The following NOTCH2NLB variants were observed in gnomAD, a reference collection of about 807,000 sequenced individuals.
The protein encoded by NOTCH2NLB is notch 2 N-terminal like B.
A neutral mutation model predicts 14.8 loss-of-function variants in NOTCH2NLB; 1 was observed. That is an observed-to-expected ratio of 0.07 (90% confidence interval 0.02 to 0.32). NOTCH2NLB has a LOEUF of 0.32. Ranked by LOEUF, NOTCH2NLB falls within the 10% of genes least tolerant of loss-of-function variation. The pLI is 1.00. For missense variants in NOTCH2NLB, 11 were observed against 155.0 expected (o/e 0.07, Z 4.93); for synonymous variants, 6 against 57.5 (o/e 0.10, Z 4.05).
At chr1:148,658,550 C>CTTTTTTTTTTTTTTTTTTTTTT (rs1194273075) in intron 1 of NOTCH2NLB, among the ~76,000 whole-genome samples, 1 of 38,588 alleles carries the variant, frequency 2.6e-5, no homozygotes, top group Non-Finnish European at 4.8e-5. Flanking sequence ...CCCAATACCA[C>CTTTTTTTTTTTTTTTTTTTTTT]TTTTTTTTTT....
chr1:148,670,545 T>TATAC (rs1664751186), intron 1 of NOTCH2NLB, among the ~76,000 whole-genome samples: 9 of 102,438 alleles, frequency 8.8e-5, no homozygotes, highest in African/African-American at 3.5e-4. Context: ...AAAAAATATA[T>TATAC]ATATATACAT....
the NOTCH2NLB span, among the ~76,000 whole-genome samples, chr1:148,712,536 G>A: frequency 6.6e-6 from 1 of 152,302 alleles, no homozygotes; most frequent in Non-Finnish European, 1.5e-5. Context: ...TCCTATACTG[G>A]ATATGTCAAC....
At chr1:148,691,855 G>C in the NOTCH2NLB span, among the ~76,000 whole-genome samples, 2,323 of 83,802 alleles carry the variant, frequency 0.028, 78 homozygotes, top group Non-Finnish European at 0.029. Flanking sequence ...CACCCCCCCC[G>C]CTCTTGCTCC....
chr1:148,610,327 A>AAGAGAGAAAGAGAG (rs1663649305), intron 3 of NOTCH2NLB, among the ~76,000 whole-genome samples: 2 of 48,790 alleles, frequency 4.1e-5, no homozygotes, highest in Non-Finnish European at 8.6e-5. Context: ...AAGAGAGAGA[A>AAGAGAGAAAGAGAG]AGAAAGAAAG....
chr1:148,643,507 T>TC (rs1159662597), intron 1 of NOTCH2NLB, among the ~76,000 whole-genome samples: 5 of 54,914 alleles, frequency 9.1e-5, no homozygotes, highest in African/African-American at 6.8e-4. Flanking sequence ...AGAGAGAGAC[T>TC]CCATCTCAAA....
chr1:148,637,864 T>A lies in NOTCH2NLB; in HGVS notation c.77+2152A>T, dbSNP rs1490977228. 2.0e-5 allele frequency among the ~76,000 whole-genome samples: 3 copies of A among 147,960 alleles called. 1 individual carries two copies. The highest frequency in any genetic ancestry group is 7.6e-5 in the African/African-American group (3 of 39,280). On this transcript the variant is annotated intron_variant, in intron 2 of 4. Coordinates refer to ENST00000593495, the Ensembl canonical transcript of NOTCH2NLB. ...CGTGTTTGGTTTTCTGTTCCTGTGT[T>A]AGTTTGCTGAGAATGATGGCTTCCA...
At chr1:148,658,420 C>CA (rs1210874785) in intron 1 of NOTCH2NLB, among the ~76,000 whole-genome samples, 1 of 63,316 alleles carries the variant, frequency 1.6e-5, no homozygotes, top group African/African-American at 7.8e-5. Flanking sequence ...CTTTTTCCCC[C>CA]AAAGTGCTGT....
chr1:148,651,178 T>C (rs1351653097), intron 1 of NOTCH2NLB, among the ~76,000 whole-genome samples: 7 of 130,228 alleles, frequency 5.4e-5, no homozygotes, highest in Admixed American at 2.3e-4. Context: ...TATATATATA[T>C]ATATATATAT....
chr1:148,681,072 G>GT (rs1202443580), upstream of NOTCH2NLB, among the ~76,000 whole-genome samples: 48 of 139,966 alleles, frequency 3.4e-4, no homozygotes, highest in Middle Eastern at 4.1e-3. Flanking sequence ...AGCTGAAAGG[G>GT]TGGGGAGGCA....
the NOTCH2NLB span, among the ~76,000 whole-genome samples, chr1:148,703,400 T>C: frequency 1.3e-5 from 1 of 76,012 alleles, no homozygotes; most frequent in Non-Finnish European, 2.7e-5. Flanking sequence ...GGGTTGGAGG[T>C]GGAAGGAGAG....
the NOTCH2NLB span, among the ~76,000 whole-genome samples, chr1:148,684,980 T>A: frequency 7.7e-6 from 1 of 130,490 alleles, no homozygotes; most frequent in Non-Finnish European, 1.7e-5. Context: ...ATGCTTGAGA[T>A]AAGCAGGAAA....
intron 1 of NOTCH2NLB, among the ~76,000 whole-genome samples, chr1:148,651,170 T>A (rs1473585121): frequency 2.9e-4 from 31 of 106,670 alleles, no homozygotes; most frequent in East Asian, 8.5e-4. Context: ...AAAATATATA[T>A]ATATATATAT....
chr1:148,645,743 T>C (rs1175726207), intron 1 of NOTCH2NLB, among the ~76,000 whole-genome samples: 1 of 150,638 alleles, frequency 6.6e-6, no homozygotes, highest in East Asian at 1.9e-4. Flanking sequence ...CCTGGAGGGT[T>C]CTGGTCCTCA....
At chr1:148,621,658 CTCT>C (rs1663877439) in intron 2 of NOTCH2NLB, among the ~76,000 whole-genome samples, 1 of 110,176 alleles carries the variant, frequency 9.1e-6, no homozygotes, top group Admixed American at 8.3e-5. Context: ...CAAACTTTGT[CTCT>C]CTACAATTTC....
chr1:148,601,102 G>C, the NOTCH2NLB span, among the ~76,000 whole-genome samples: 2 of 150,374 alleles, frequency 1.3e-5, no homozygotes, highest in East Asian at 3.9e-4. Context: ...GTCCAGAAGA[G>C]GCATTTCTGG....
chr1:148,622,064 TAGAA>T (rs1663890683), intron 2 of NOTCH2NLB, among the ~76,000 whole-genome samples: 1 of 87,492 alleles, frequency 1.1e-5, no homozygotes, highest in Non-Finnish European at 2.1e-5. Context: ...ACTCGAAGCT[TAGAA>T]AGATTAAGAT....
intron 2 of NOTCH2NLB, among the ~76,000 whole-genome samples, chr1:148,627,776 T>C (rs1664018287): frequency 6.8e-6 from 1 of 147,862 alleles, no homozygotes; most frequent in South Asian, 2.2e-4. Flanking sequence ...ATTATGATTA[T>C]CTGTCAACAG....
chr1:148,638,208 A>G (rs1664259115), intron 2 of NOTCH2NLB, among the ~76,000 whole-genome samples: 1 of 148,752 alleles, frequency 6.7e-6, no homozygotes, highest in African/African-American at 2.5e-5. Context: ...CTTCTTATTT[A>G]ACATAAATAG....
chr1:148,632,912 CCA>C lies in NOTCH2NLB; in HGVS notation c.77+7102_77+7103del, dbSNP rs1664138074. Among the ~76,000 whole-genome samples, 2 of 118,954 alleles carry C rather than the reference CCA, an allele frequency of 1.7e-5. 1 individual carries two copies. The highest frequency in any genetic ancestry group is 5.8e-4 in the South Asian group (2 of 3,460). The allele number at this position is 118,954 out of a possible 152,430, so 78.0% of individuals were successfully genotyped here. A position where few individuals can be genotyped will look rare whatever the true frequency, so the allele number is the denominator to read the frequency against. On this transcript the variant is annotated intron_variant, in intron 2 of 4. Coordinates refer to ENST00000593495, the Ensembl canonical transcript of NOTCH2NLB. ...TCACTGCCCTCTTCTTCTATTTCAT[CCA>C]CAGTTATTACACTGAGCTTTCATGT...
Sources: allele counts gnomAD v4.1 joint callset (sites outside exome capture counted in the v4.1 genomes callset), GRCh38; gene constraint gnomAD v4.1.1; transcripts MANE v1.5; gene names NCBI Gene and HGNC (gene_info 2026-07-23, HGNC 2026-07-21).